GFM2: variants seen among roughly 807,000 people sequenced by gnomAD.
GFM2 encodes the protein GTP dependent ribosome recycling factor mitochondrial 2, also known as ribosome-releasing factor 2, mitochondrial.
Under a neutral mutation model 95.4 loss-of-function variants are expected in GFM2, and 72 were observed. The ratio of observed to expected loss-of-function variants is 0.76; its 90% CI spans 0.62 to 0.92. GFM2 has a LOEUF of 0.92. GFM2 is among the 40% of genes least tolerant of loss of function. The pLI is 0.00. For missense variants in GFM2, 825 were observed against 924.1 expected (o/e 0.89, Z 1.39); for synonymous variants, 276 against 317.5 (o/e 0.87, Z 1.39).
At position 74,736,989 on chromosome 5, in the gene GFM2, C is replaced by CA; in HGVS notation, c.1321-5dup. 6.2e-7 allele frequency: 1 copy of CA among 1,612,632 alleles called. No individual in the cohort carries two copies. The highest frequency in any genetic ancestry group is 8.5e-7 in the Non-Finnish European group (1 of 1,179,438). On this transcript the variant is annotated splice_polypyrimidine_tract_variant and splice_region_variant and intron_variant, in intron 14 of 20. Transcript: ENST00000296805. ...CAATGGTGTCTCCAGTGGCAGTCTG[C>CA]AAGCAAACAAGATGACTTGGAACGA...
rs1412568004 is a variant in GFM2, at chr5:74,763,728, CAA to C, written c.13_14del (p.Leu5GlufsTer16). 8 of 1,607,054 alleles carry C rather than the reference CAA, an allele frequency of 5.0e-6. No individual in the cohort carries two copies. The highest frequency in any genetic ancestry group is 6.8e-6 in the Non-Finnish European group (8 of 1,174,412). ...TCTGATGACTCATTGCAAATATCCTCAAGTTGGTCAACATCTTGATCCTCCAA... is the reference window on the plus strand; with the variant it reads ...TCTGATGACTCATTGCAAATATCCTCGTTGGTCAACATCTTGATCCTCCAA... MLTNLRIFAMSHQTI... is the reference protein window; with the variant it reads MLTNXRIFAMSHQTI... On this transcript the variant is annotated frameshift_variant, in exon 2 of 21. Coordinates refer to ENST00000296805, the MANE Select transcript of GFM2 (RefSeq NM_032380.5). LOFTEE classifies it high-confidence loss of function.
rs956018389 is a variant in GFM2, at chr5:74,746,143, T to C, written c.631A>G (p.Ile211Val). The change falls in exon 9 of 21, where the codon ATC (isoleucine) becomes GTC (valine). Residue 211 changes from isoleucine (I) to valine (V), a missense_variant. Ile to Val is a conservative substitution (Grantham distance 29). Transcript: ENST00000296805. Reference protein sequence around the residue: ...GASFKYAVESIREKLKAKPLL... With the variant: ...GASFKYAVESVREKLKAKPLL... ...GGCTTTGCCTTTAACTTCTCTCTGA[T>C]GCTTTCAACTGCATACTTAAAGCTG... 1.3e-6 allele frequency: 2 copies of C among 1,539,754 alleles called. No individual in the cohort carries two copies. The highest frequency in any genetic ancestry group is 1.7e-6 in the Non-Finnish European group (2 of 1,149,960).
chr5:74,748,350 A>G (rs1159282538), intron 7 of GFM2, among the ~76,000 whole-genome samples: 1 of 152,222 alleles, frequency 6.6e-6, no homozygotes, highest in Non-Finnish European at 1.5e-5. Context: ...CGTTTGTGTA[A>G]CTACTACCCC....
chr5:74,735,498 C>T (rs1021466516), intron 15 of GFM2, among the ~76,000 whole-genome samples: 1 of 152,168 alleles, frequency 6.6e-6, no homozygotes, highest in African/African-American at 2.4e-5. Flanking sequence ...AAGAGGGCTT[C>T]TAATGCCACT....
chr5:74,740,327 A>G (rs1421770035), intron 11 of GFM2, among the ~76,000 whole-genome samples, 190 bp from the exon 12 acceptor site: 3 of 152,186 alleles, frequency 2.0e-5, no homozygotes, highest in Non-Finnish European at 2.9e-5. Context: ...TCTGTCTCCT[A>G]TTCGCTAGAA....
chr5:74,757,306 T>C (rs1163921258), intron 5 of GFM2, among the ~76,000 whole-genome samples: 1 of 152,160 alleles, frequency 6.6e-6, no homozygotes, highest in Non-Finnish European at 1.5e-5. Flanking sequence ...CATGTCTAGT[T>C]TACCTTACTA....
intron 11 of GFM2, among the ~76,000 whole-genome samples, chr5:74,740,375 C>T (rs978822587): frequency 2.6e-5 from 4 of 152,122 alleles, no homozygotes; most frequent in African/African-American, 9.7e-5. Flanking sequence ...GGAAATACTG[C>T]TAAATCCCCA....
intron 8 of GFM2, 38 bp downstream of exon 8, chr5:74,747,654 T>C (rs1743453010): frequency 1.6e-6 from 2 of 1,233,942 alleles, no homozygotes; most frequent in Non-Finnish European, 2.4e-6. Context: ...CAAATTGTAG[T>C]TTCACCCTGA....
At chr5:74,763,818 C>A in intron 1 of GFM2, 52 bp from the exon 2 acceptor site, 1 of 1,036,444 alleles carries the variant, frequency 9.6e-7, no homozygotes, top group Non-Finnish European at 1.5e-6. Context: ...TATTACATGT[C>A]AGCAAGGCAT....
At position 74,738,193 on chromosome 5, in the gene GFM2, T is replaced by C. The variant is rs41271751; in HGVS notation, c.1320+125A>G. On this transcript the variant is annotated intron_variant, in intron 14 of 20. Coordinates refer to ENST00000296805, the MANE Select transcript of GFM2 (RefSeq NM_032380.5). ...TTCAGCCATGTTGACAAATATGCCA[T>C]AATATTCTTTATTCTACTATTGATG... 3.3e-3 allele frequency: 2,325 copies of C among 707,202 alleles called. 9 individuals carry two copies. Among genetic ancestry groups the C allele is most frequent in the Non-Finnish European group, 4.9e-3 (2,029 of 416,684 alleles). 43.8% of individuals were successfully genotyped at this position (707,202 alleles called of 1,614,324 possible). A position where few individuals can be genotyped will look rare whatever the true frequency, so the allele number is the denominator to read the frequency against.
At chr5:74,759,018 TC>T (rs1744140943) in intron 4 of GFM2, 72 bp from the exon 5 acceptor site, 1 of 854,980 alleles carries the variant, frequency 1.2e-6, no homozygotes, top group South Asian at 1.4e-5. Context: ...TATCCAAATT[TC>T]AAAGCTGGTA....
Position 74,730,410 on chromosome 5 carries a change from A to C in GFM2, c.1588-12T>G. On this transcript the variant is annotated splice_polypyrimidine_tract_variant and intron_variant, in intron 16 of 20. Transcript: ENST00000296805. ...CCACACAGAACAGTCTGGTTACCAG[A>C]GGAATGAAATAAAAGATTAAGGGTA... is the stretch of plus-strand genomic sequence containing the variant. 1 of 1,554,214 alleles carries C rather than the reference A, an allele frequency of 6.4e-7. No individual in the cohort carries two copies. Among genetic ancestry groups the C allele is most frequent in the Non-Finnish European group, 8.7e-7 (1 of 1,149,672 alleles).
chr5:74,732,636 T>G (rs1742630039), intron 16 of GFM2, among the ~76,000 whole-genome samples: 1 of 152,120 alleles, frequency 6.6e-6, no homozygotes, highest in Non-Finnish European at 1.5e-5. Context: ...TTTTAGGTGT[T>G]TTACTGTCTT....
rs1170633707 is a variant in GFM2 at position 74,748,940 on chromosome 5, AAAT to A, written c.520-1163_520-1161del. Reference sequence around the variant, plus strand: ...AATAAAAAAAAATAAAAAAAATAAAAAATAAAATAAAATAAAATAAAATAAAGA... The same window carrying A: ...AATAAAAAAAAATAAAAAAAATAAAAAAAATAAAATAAAATAAAATAAAGA... On this transcript the variant is annotated intron_variant, in intron 7 of 20. Coordinates refer to ENST00000296805, the MANE Select transcript of GFM2 (RefSeq NM_032380.5). Among the ~76,000 whole-genome samples, 67 of 137,586 alleles carry A rather than the reference AAAT, an allele frequency of 4.9e-4. 1 individual carries two copies. Among genetic ancestry groups the A allele is most frequent in the African/African-American group, 1.9e-3 (62 of 33,204 alleles). 90.3% of individuals were successfully genotyped at this position (137,586 alleles called of 152,430 possible).
chr5:74,721,262 T>G lies in GFM2; in HGVS notation c.*393A>C. 9.5e-7 allele frequency: 1 copy of G among 1,050,466 alleles called. No individual in the cohort carries two copies. Among genetic ancestry groups the G allele is most frequent in the East Asian group, 2.5e-5 (1 of 39,686 alleles). The allele number at this position is 1,050,466 out of a possible 1,614,324, so 65.1% of individuals were successfully genotyped here. A position where few individuals can be genotyped will look rare whatever the true frequency, so the allele number is the denominator to read the frequency against. ...GTAAAATAAGATATTAGACTGTTTT[T>G]TGAATAAAATATTTTTATTGATTGA... On this transcript the variant is annotated 3_prime_UTR_variant, in exon 21 of 21. Transcript: ENST00000296805.
chr5:74,764,737 C>G (rs982026042), intron 1 of GFM2, among the ~76,000 whole-genome samples: 9 of 145,786 alleles, frequency 6.2e-5, no homozygotes, highest in African/African-American at 2.0e-4. Context: ...CTAATACTTA[C>G]ATTTGATTTC....
intron 5 of GFM2, among the ~76,000 whole-genome samples, chr5:74,757,731 T>TAAA (rs35313753): frequency 5.6e-5 from 5 of 89,164 alleles, no homozygotes; most frequent in East Asian, 3.3e-4. Context: ...CCTATGTCTC[T>TAAA]AAAAAAAAAA....
In GFM2 at chr5:74,721,520, TTA is replaced by T; in HGVS notation, c.*133_*134del. The T allele has an allele frequency of 1.0e-6, 1 of 1,004,314 alleles. No homozygotes were observed. Among genetic ancestry groups the T allele is most frequent in the Non-Finnish European group, 1.5e-6 (1 of 655,340 alleles). The allele number at this position is 1,004,314 out of a possible 1,614,324, so 62.2% of individuals were successfully genotyped here. A position where few individuals can be genotyped will look rare whatever the true frequency, so the allele number is the denominator to read the frequency against. On this transcript the variant is annotated 3_prime_UTR_variant, in exon 21 of 21. Transcript: ENST00000296805. The stretch of plus-strand genomic sequence containing the variant: ...TCCAGTGCCACTATCAAAGCTTAAG[TTA>T]TATCTTTTATCTAGTTCTCTGAATG...
intron 11 of GFM2, among the ~76,000 whole-genome samples, 198 bp from the exon 12 acceptor site, chr5:74,740,335 G>C (rs1743052414): frequency 1.3e-5 from 2 of 152,090 alleles, no homozygotes; most frequent in African/African-American, 4.8e-5. Context: ...CTATTCGCTA[G>C]AATGTAAAAT....
Sources: allele counts gnomAD v4.1 joint callset (sites outside exome capture counted in the v4.1 genomes callset), GRCh38; gene constraint gnomAD v4.1.1; transcripts MANE v1.5; gene names NCBI Gene and HGNC (gene_info 2026-07-23, HGNC 2026-07-21).